FAM47E: variants seen among roughly 807,000 people sequenced by gnomAD.
FAM47E encodes the protein family with sequence similarity 47 member E.
Under a neutral mutation model 41.6 loss-of-function variants are expected in FAM47E, and 32 were observed. That is an observed-to-expected ratio of 0.77 (90% CI 0.58 to 1.03). The LOEUF is 1.03. Ranked by LOEUF, FAM47E falls within the 50% of genes least tolerant of loss-of-function variation. The pLI, the probability that FAM47E is intolerant of heterozygous loss-of-function variation, is 0.00. For missense variants in FAM47E, 424 were observed against 485.4 expected (o/e 0.87, Z 1.19); for synonymous variants, 184 against 188.7 (o/e 0.98, Z 0.20).
intron 2 of FAM47E, chr4:76,234,235 A>C (rs1733544357): frequency 6.6e-6 from 1 of 152,394 alleles, no homozygotes. Context: ...GATTTCCCCC[A>C]CTCTCAGAAG....
chr4:76,251,827 ACT>A lies in FAM47E; in HGVS notation c.74+9_74+10del, dbSNP rs1353160539. ...GCGTGAACTGCAGGTCCAGGTAAAC[ACT>A]CAGCGCCCGGGCCGAGGGCGCATCC... On this transcript the variant is annotated splice_region_variant and intron_variant, in intron 1 of 7. Coordinates refer to ENST00000424749, the MANE Select transcript of FAM47E (RefSeq NM_001136570.3). 1 of 1,450,316 alleles carries A rather than the reference ACT, an allele frequency of 6.9e-7. No individual in the cohort carries two copies. The highest frequency in any genetic ancestry group is 9.0e-7 in the Non-Finnish European group (1 of 1,106,124). The allele number at this position is 1,450,316 out of a possible 1,614,324, so 89.8% of individuals were successfully genotyped here. A position where few individuals can be genotyped will look rare whatever the true frequency, so the allele number is the denominator to read the frequency against.
chr4:76,271,836 T>A (rs1259448187), intron 5 of FAM47E, 68 bp downstream of exon 5: 7 of 1,479,912 alleles, frequency 4.7e-6, no homozygotes, highest in Non-Finnish European at 6.3e-6. Flanking sequence ...TTAAAGTTCT[T>A]GAATTCTGAT....
intron 2 of FAM47E, among the ~76,000 whole-genome samples, chr4:76,230,899 A>G (rs4321663): frequency 0.15 from 22,817 of 152,180 alleles, 2,049 homozygotes; most frequent in East Asian, 0.35. Flanking sequence ...AAGCTTGGGC[A>G]TGGCTTAATT....
intron 7 of FAM47E, 26 bp from the exon 8 acceptor site, chr4:76,283,355 A>T (rs1422160286): frequency 6.9e-7 from 1 of 1,439,738 alleles, no homozygotes; most frequent in African/African-American, 1.4e-5. Context: ...TGCCAATCTA[A>T]TGAAGGTTCT....
At chr4:76,221,722 A>G (rs914633044) in intron 2 of FAM47E, among the ~76,000 whole-genome samples, 2 of 152,330 alleles carry the variant, frequency 1.3e-5, no homozygotes, top group South Asian at 2.1e-4. Flanking sequence ...ACACGGACAC[A>G]AAGATGGGAA....
In FAM47E at chr4:76,257,421, A is replaced by G. The variant is rs531913022; in HGVS notation, c.420+898A>G. ...GCCTGTATTCTACACAGAGAGCGAG[A>G]CAATGGTTCAGAAAGGCAAATCTCT... On this transcript the variant is annotated intron_variant, in intron 2 of 7. Transcript: ENST00000424749. Among the ~76,000 whole-genome samples, 11 of 152,224 alleles carry G rather than the reference A, an allele frequency of 7.2e-5. No individual in the cohort carries two copies. The East Asian group carries it at 2.1e-3, about 29-fold the overall frequency.
At chr4:76,241,653 C>A (rs899899962) in intron 2 of FAM47E, among the ~76,000 whole-genome samples, 1 of 152,090 alleles carries the variant, frequency 6.6e-6, no homozygotes, top group African/African-American at 2.4e-5. Context: ...CAATAGACCC[C>A]AAAGTTTTAA....
intron 2 of FAM47E, among the ~76,000 whole-genome samples, chr4:76,240,632 G>A (rs771520332): frequency 2.0e-5 from 3 of 151,912 alleles, no homozygotes; most frequent in Non-Finnish European, 2.9e-5. Context: ...CTTTCTTCAA[G>A]TTTGTTGATT....
At chr4:76,243,781 T>G (rs774399096) in intron 2 of FAM47E, among the ~76,000 whole-genome samples, 12 of 152,232 alleles carry the variant, frequency 7.9e-5, no homozygotes, top group Non-Finnish European at 7.3e-5. Flanking sequence ...CTGGGGTACA[T>G]GTGCAGAACG....
At chr4:76,233,837 A>T (rs140747400) in intron 2 of FAM47E, among the ~76,000 whole-genome samples, 15 of 151,964 alleles carry the variant, frequency 9.9e-5, no homozygotes, top group Non-Finnish European at 1.9e-4. Context: ...AACTTTGCAG[A>T]TAATACAAAC....
At chr4:76,266,797 C>T (rs1462943889) in intron 3 of FAM47E, among the ~76,000 whole-genome samples, 1 of 152,208 alleles carries the variant, frequency 6.6e-6, no homozygotes, top group Non-Finnish European at 1.5e-5. Flanking sequence ...CTCTACTATT[C>T]TACTCTTTAA....
At position 76,268,742 on chromosome 4, in the gene FAM47E, G is replaced by A; in HGVS notation, c.643G>A (p.Gly215Ser). The change falls in exon 4 of 8, where the codon GGT becomes AGT. Residue 215 changes from glycine (G) to serine (S), a missense_variant. Transcript: ENST00000424749. ...PHKMDLLHEN[G>S]PRPGLHENGI... ...TAAAATGGATTTGCTCCATGAAAAT[G>A]GTCCTCGTCCTGGTCTTCATGAAAA... is the stretch of plus-strand genomic sequence containing the variant. 1.9e-6 allele frequency: 3 copies of A among 1,551,514 alleles called. No individual in the cohort carries two copies. Among genetic ancestry groups the A allele is most frequent in the Non-Finnish European group, 2.6e-6 (3 of 1,146,902 alleles).
chr4:76,253,808 TA>T (rs11410378), intron 1 of FAM47E, among the ~76,000 whole-genome samples: 2,994 of 145,116 alleles, frequency 0.021, 72 homozygotes, highest in Middle Eastern at 0.057. Flanking sequence ...TGTCTCGAAT[TA>T]AAAAAAAAAA....
chr4:76,252,350 A>T (rs1438567715), intron 1 of FAM47E, among the ~76,000 whole-genome samples: 4 of 152,152 alleles, frequency 2.6e-5, no homozygotes, highest in Non-Finnish European at 1.5e-5. Context: ...GAGCAGGAAC[A>T]AGAAGGTTTT....
chr4:76,231,174 T>A (rs1272014341), intron 2 of FAM47E, among the ~76,000 whole-genome samples: 1 of 152,204 alleles, frequency 6.6e-6, no homozygotes, highest in East Asian at 1.9e-4. Context: ...ATAGCTATAG[T>A]TATGCTTGCT....
exon 1 of FAM47E, chr4:76,214,088 C>G: frequency 2.8e-6 from 1 of 356,060 alleles, no homozygotes; most frequent in Non-Finnish European, 5.6e-6. Flanking sequence ...AATTGCCGAA[C>G]CTGGTTCACA....
intron 5 of FAM47E, among the ~76,000 whole-genome samples, chr4:76,276,360 T>G (rs1017244759): frequency 1.0e-3 from 58 of 57,722 alleles, no homozygotes; most frequent in Non-Finnish European, 1.9e-3. Context: ...GGTTACTTTT[T>G]TTTGTTTGTT....
intron 2 of FAM47E, among the ~76,000 whole-genome samples, chr4:76,228,965 A>G (rs1369567887): frequency 1.3e-5 from 2 of 152,168 alleles, no homozygotes; most frequent in African/African-American, 4.8e-5. Flanking sequence ...CCACAGGAAC[A>G]CCAATTATTC....
intron 2 of FAM47E, among the ~76,000 whole-genome samples, chr4:76,245,815 T>C (rs1733814923): frequency 2.0e-5 from 3 of 152,178 alleles, no homozygotes. Context: ...CTATTGCAGA[T>C]GGCTCAGGCA....
Sources: gnomAD v4.1 joint callset for allele counts (sites outside exome capture counted in the v4.1 genomes callset) on GRCh38, gnomAD v4.1.1 for gene constraint, MANE v1.5 for transcripts, NCBI Gene and HGNC (gene_info 2026-07-23, HGNC 2026-07-21) for gene names.